The following TENM2 variants were observed in gnomAD, a reference collection of about 807,000 sequenced individuals.
TENM2 encodes teneurin-2.
In TENM2, 52 loss-of-function variants were observed where a neutral mutation model predicts 245.2. The observed-to-expected ratio is 0.21, with a 90% CI of 0.17 to 0.27. TENM2 has a LOEUF of 0.27. Among genes scored for constraint, TENM2 ranks in the 10% least tolerant of loss-of-function variants. The pLI, the probability that TENM2 is intolerant of heterozygous loss-of-function variation, is 1.00. For missense variants in TENM2, 3,046 were observed against 3,666.8 expected (o/e 0.83, Z 4.37); for synonymous variants, 1,363 against 1,438.9 (o/e 0.95, Z 1.19).
At chr5:167,351,787 A>T (rs893432826) in intron 1 of TENM2, among the ~76,000 whole-genome samples, 15 of 152,130 alleles carry the variant, frequency 9.9e-5, no homozygotes, top group Admixed American at 2.6e-4. Flanking sequence ...GGCAGCTGTA[A>T]TCAGGTCCTC....
At chr5:167,462,181 A>ACCCCCCCCCC (rs34703422) in intron 2 of TENM2, among the ~76,000 whole-genome samples, 9 of 75,058 alleles carry the variant, frequency 1.2e-4, no homozygotes, top group Non-Finnish European at 2.2e-4. Flanking sequence ...CCTGACCCCC[A>ACCCCCCCCCC]CCCCCCCCCC....
At chr5:168,115,903 T>C (rs1795050230) in intron 9 of TENM2, among the ~76,000 whole-genome samples, 1 of 152,158 alleles carries the variant, frequency 6.6e-6, no homozygotes, top group Admixed American at 6.5e-5. Context: ...CAATTAGTGA[T>C]GTCTGTAGAG....
At chr5:167,016,111 G>A in the TENM2 span, among the ~76,000 whole-genome samples, 4 of 151,798 alleles carry the variant, frequency 2.6e-5, no homozygotes, top group East Asian at 1.9e-4. Flanking sequence ...AAAATTAGCC[G>A]TGCATGGTGG....
rs903795917 is a variant in TENM2 at position 167,332,051 on chromosome 5, G to A, written c.227-43147G>A. Among the ~76,000 whole-genome samples the A allele has an allele frequency of 3.9e-5, 6 of 152,178 alleles. No individual in the cohort carries two copies. The East Asian group carries it at 1.2e-3, about 29-fold the overall frequency. On this transcript the variant is annotated intron_variant, in intron 1 of 28. Coordinates refer to ENST00000518659, the Ensembl canonical transcript of TENM2. ...TGTTTTATTTAAATAATCACCAACG[G>A]GCAATTTGTTCAAAGTTATTTCTAT...
At chr5:167,452,964 T>TTAAATATATATATATTAA (rs1554157789) in intron 2 of TENM2, among the ~76,000 whole-genome samples, 1 of 108,224 alleles carries the variant, frequency 9.2e-6, no homozygotes, top group Non-Finnish European at 1.8e-5. Context: ...TATATATATT[T>TTAAATATATATATATTAA]AAAAAAAAAA....
intron 1 of TENM2, among the ~76,000 whole-genome samples, chr5:167,310,398 G>A (rs2127752797): frequency 6.6e-6 from 1 of 152,192 alleles, no homozygotes; most frequent in Admixed American, 6.5e-5. Flanking sequence ...ACAAACATTT[G>A]TAGAAAGTCC....
intron 2 of TENM2, among the ~76,000 whole-genome samples, chr5:167,875,369 T>C (rs913756582): frequency 1.3e-5 from 2 of 152,098 alleles, no homozygotes; most frequent in African/African-American, 4.8e-5. Flanking sequence ...GATGACCATA[T>C]TGGCTAGAGA....
At chr5:167,248,403 G>T in the TENM2 span, among the ~76,000 whole-genome samples, 3 of 152,234 alleles carry the variant, frequency 2.0e-5, no homozygotes, top group African/African-American at 7.2e-5. Context: ...TCCCACGGAG[G>T]GTTCCAGAAA....
intron 2 of TENM2, among the ~76,000 whole-genome samples, chr5:167,383,728 T>TAAAAAA (rs10549785): frequency 9.1e-6 from 1 of 110,412 alleles, no homozygotes; most frequent in Non-Finnish European, 1.9e-5. Flanking sequence ...TGGTGCAGGA[T>TAAAAAA]AAAAAAAAAA....
chr5:167,632,814 C>A (rs1778962844), intron 2 of TENM2, among the ~76,000 whole-genome samples: 1 of 152,108 alleles, frequency 6.6e-6, no homozygotes, highest in African/African-American at 2.4e-5. Flanking sequence ...AAAGGAAATG[C>A]CCTGCTCTCG....
the TENM2 span, among the ~76,000 whole-genome samples, chr5:167,150,137 G>A: frequency 0.01 from 1,529 of 152,218 alleles, 26 homozygotes; most frequent in African/African-American, 0.035. Context: ...GTGGGCCTGT[G>A]AGTCTTGATC....
At chr5:167,693,644 A>AC (rs1489386462) in intron 2 of TENM2, among the ~76,000 whole-genome samples, 1 of 151,988 alleles carries the variant, frequency 6.6e-6, no homozygotes, top group African/African-American at 2.4e-5. Flanking sequence ...AAAAAAAAAA[A>AC]AAAAAACCAC....
At chr5:167,174,874 CT>C in the TENM2 span, among the ~76,000 whole-genome samples, 4,115 of 142,286 alleles carry the variant, frequency 0.029, 123 homozygotes, top group African/African-American at 0.087. Flanking sequence ...ATATATTCAA[CT>C]TTTTTTTTTT....
intron 12 of TENM2, among the ~76,000 whole-genome samples, chr5:168,150,998 G>T (rs1756600055): frequency 6.6e-6 from 1 of 152,178 alleles, no homozygotes; most frequent in Non-Finnish European, 1.5e-5. Flanking sequence ...GGCAGGTGCT[G>T]TTGCTTGCCT....
At chr5:167,847,725 C>T (rs995165686) in intron 2 of TENM2, among the ~76,000 whole-genome samples, 1 of 152,228 alleles carries the variant, frequency 6.6e-6, no homozygotes, top group South Asian at 2.1e-4. Flanking sequence ...GACTAAATCT[C>T]AGAGCAAAAC....
At position 167,933,905 on chromosome 5, in the gene TENM2, T is replaced by C. The variant is rs567046440; in HGVS notation, c.713-18683T>C. On this transcript the variant is annotated intron_variant, in intron 3 of 28. Transcript: ENST00000518659. ...AAAAGCTGGCAGGTGGTAAAAGTGCTAACAAAAAATTAGCAATTGTTATTA... is the reference window on the plus strand; with the variant it reads ...AAAAGCTGGCAGGTGGTAAAAGTGCCAACAAAAAATTAGCAATTGTTATTA... 9.8e-5 allele frequency among the ~76,000 whole-genome samples: 15 copies of C among 152,344 alleles called. 1 individual carries two copies. The South Asian group carries it at 3.1e-3, about 32-fold the overall frequency.
chr5:167,777,048 A>G (rs1763856504), intron 2 of TENM2, among the ~76,000 whole-genome samples: 1 of 152,244 alleles, frequency 6.6e-6, no homozygotes, highest in African/African-American at 2.4e-5. Flanking sequence ...AAACTGGCAT[A>G]AATAAGTTTG....
intron 2 of TENM2, among the ~76,000 whole-genome samples, chr5:167,666,380 A>G (rs1025311738): frequency 2.0e-5 from 3 of 152,202 alleles, no homozygotes; most frequent in Non-Finnish European, 4.4e-5. Flanking sequence ...AAAATTGGGA[A>G]TAGTTTTTCA....
intron 9 of TENM2, among the ~76,000 whole-genome samples, chr5:168,113,367 A>G (rs1794831017): frequency 6.6e-6 from 1 of 152,198 alleles, no homozygotes; most frequent in African/African-American, 2.4e-5. Context: ...AGTATAAAAC[A>G]GACTTCAAAT....
Sources: allele counts gnomAD v4.1 joint callset (sites outside exome capture counted in the v4.1 genomes callset), GRCh38; gene constraint gnomAD v4.1.1; transcripts MANE v1.5; gene names NCBI Gene and HGNC (gene_info 2026-07-23, HGNC 2026-07-21).